NBEA: variants seen among roughly 807,000 people sequenced by gnomAD.
The protein encoded by NBEA is neurobeachin, also known as lysosomal-trafficking regulator 2.
A neutral mutation model predicts 343.4 loss-of-function variants in NBEA; 44 were observed. The ratio of observed to expected loss-of-function variants is 0.13; its 90% CI spans 0.10 to 0.16. NBEA has a LOEUF of 0.16. NBEA is among the 10% of genes least tolerant of loss of function. The pLI, the probability that NBEA is intolerant of heterozygous loss-of-function variation, is 1.00. For synonymous variants in NBEA, 1,175 were observed against 1,238.7 expected (o/e 0.95, Z 1.08); for missense variants, 2,555 against 3,631.3 (o/e 0.70, Z 7.62).
intron 34 of NBEA, among the ~76,000 whole-genome samples, chr13:35,268,664 A>G (rs905146884): frequency 1.3e-5 from 2 of 152,064 alleles, no homozygotes; most frequent in Admixed American, 1.3e-4. Context: ...TTTATCTGTA[A>G]TCTTGCCTCT....
At chr13:35,339,450 C>T (rs2039456109) in intron 36 of NBEA, among the ~76,000 whole-genome samples, 1 of 152,012 alleles carries the variant, frequency 6.6e-6, no homozygotes, top group East Asian at 1.9e-4. Flanking sequence ...TTAAGTAATG[C>T]TCAACATCAG....
intron 8 of NBEA, among the ~76,000 whole-genome samples, chr13:35,066,008 C>G (rs1373212484): frequency 1.3e-5 from 2 of 152,052 alleles, no homozygotes; most frequent in Non-Finnish European, 2.9e-5. Context: ...GTCACCTAAG[C>G]TGGAGTGCAG....
chr13:35,258,317 G>A (rs910279030), intron 34 of NBEA, among the ~76,000 whole-genome samples: 4 of 151,894 alleles, frequency 2.6e-5, no homozygotes, highest in East Asian at 1.9e-4. Context: ...ACAGGCATGC[G>A]CCACCACACT....
intron 8 of NBEA, among the ~76,000 whole-genome samples, chr13:35,062,494 C>T (rs1008261910): frequency 1.3e-4 from 19 of 151,622 alleles, no homozygotes; most frequent in South Asian, 4.1e-4. Context: ...GAAGAAACTC[C>T]GAAAACTCCA....
At chr13:35,310,638 C>G (rs953807679) in intron 36 of NBEA, among the ~76,000 whole-genome samples, 2 of 152,156 alleles carry the variant, frequency 1.3e-5, no homozygotes, top group African/African-American at 2.4e-5. Flanking sequence ...ACAGACGTAG[C>G]TGTCACCATG....
intron 38 of NBEA, among the ~76,000 whole-genome samples, chr13:35,394,191 C>CA (rs1367021751): frequency 6.6e-6 from 1 of 152,116 alleles, no homozygotes; most frequent in Non-Finnish European, 1.5e-5. Context: ...CTATCTGCAC[C>CA]ACGCACTTCA....
chr13:35,399,829 A>T (rs2042913592), intron 38 of NBEA, among the ~76,000 whole-genome samples: 2 of 152,050 alleles, frequency 1.3e-5, no homozygotes, highest in South Asian at 4.2e-4. Flanking sequence ...TTTCTCCTGA[A>T]CAGTTAGAGG....
intron 10 of NBEA, among the ~76,000 whole-genome samples, chr13:35,089,881 A>G (rs1315792760): frequency 2.2e-3 from 285 of 130,856 alleles, no homozygotes; most frequent in Non-Finnish European, 3.2e-3. Flanking sequence ...GGACACAGGA[A>G]GGGGAATATC....
intron 1 of NBEA, among the ~76,000 whole-genome samples, chr13:35,010,836 G>A (rs1397209114): frequency 1.4e-5 from 2 of 147,944 alleles, no homozygotes; most frequent in Non-Finnish European, 3.0e-5. Flanking sequence ...GCTGAGTTAG[G>A]AAGATGACTG....
At chr13:35,310,910 A>G (rs971116389) in intron 36 of NBEA, among the ~76,000 whole-genome samples, 5 of 152,178 alleles carry the variant, frequency 3.3e-5, no homozygotes, top group African/African-American at 9.6e-5. Flanking sequence ...TAAAAATTAA[A>G]TATCACTTAG....
chr13:35,041,467 AT>A (rs1566198499), intron 2 of NBEA, among the ~76,000 whole-genome samples: 17 of 152,104 alleles, frequency 1.1e-4, no homozygotes, highest in Non-Finnish European at 1.9e-4. Flanking sequence ...GTAGTATTTC[AT>A]TAAGCTTTTA....
Position 35,010,726 on chromosome 13 carries a change from C to CAAAAAAAAA in NBEA, c.295-30199_295-30191dup, listed in dbSNP as rs769896169. The stretch of plus-strand genomic sequence containing the variant: ...ACAACATAGCAAGACTGGGTCTCTA[C>CAAAAAAAAA]AAAAAAAAAAAAAAAATATATATAT... On this transcript the variant is annotated intron_variant, in intron 1 of 58. Transcript: ENST00000379939. Among the ~76,000 whole-genome samples the CAAAAAAAAA allele has an allele frequency of 4.1e-4, 4 of 9,698 alleles. 1 individual carries two copies. The highest frequency in any genetic ancestry group is 1.2e-3 in the African/African-American group (4 of 3,210). The allele number at this position is 9,698 out of a possible 152,430, so 6.4% of individuals were successfully genotyped here.
In NBEA at chr13:35,349,144, T is replaced by G. The variant is rs111297138; in HGVS notation, c.5940T>G (p.Arg1980=). Residue 1980 remains arginine (R), a synonymous_variant, in exon 37 of 59, where the codon CGT becomes CGG. Coordinates refer to ENST00000379939, the MANE Select transcript of NBEA (RefSeq NM_001385012.1). The stretch of plus-strand genomic sequence containing the variant: ...ATGCTATGAAGGACCATATAGTCCG[T>G]GTTGCAAATGAAGCTGAGTTTATTT... The part of the protein sequence containing the change: ...LCHAMKDHIV[R]VANEAEFILN... The G allele has an allele frequency of 1.9e-6, 3 of 1,608,370 alleles. No homozygotes were observed. In the South Asian group the frequency reaches 3.3e-5, roughly 18 times the overall value.
intron 35 of NBEA, among the ~76,000 whole-genome samples, chr13:35,303,702 A>G (rs957414887): frequency 1.3e-5 from 2 of 152,146 alleles, no homozygotes; most frequent in African/African-American, 4.8e-5. Flanking sequence ...GTCACCTTTC[A>G]TCTCTTGTAA....
chr13:35,259,997 A>G (rs902358432), intron 34 of NBEA, among the ~76,000 whole-genome samples: 1 of 152,220 alleles, frequency 6.6e-6, no homozygotes, highest in Admixed American at 6.5e-5. Flanking sequence ...TGATGGCTAC[A>G]TTGCCTTCAC....
At chr13:35,536,664 A>G (rs2078565086) in intron 41 of NBEA, among the ~76,000 whole-genome samples, 1 of 152,144 alleles carries the variant, frequency 6.6e-6, no homozygotes, top group Admixed American at 6.5e-5. Context: ...AGATAGATAG[A>G]TAGATAGACA....
chr13:35,040,816 T>A (rs2062623172), intron 1 of NBEA, 117 bp from the exon 2 acceptor site: 2 of 808,052 alleles, frequency 2.5e-6, no homozygotes, highest in African/African-American at 1.7e-5. Context: ...ATTAATTTTA[T>A]ACCAGAATCC....
chr13:35,450,763 G>T (rs1021485472), intron 39 of NBEA, among the ~76,000 whole-genome samples: 5 of 152,142 alleles, frequency 3.3e-5, no homozygotes, highest in African/African-American at 1.2e-4. Context: ...AGTTAATGCT[G>T]CTCCTTGAAG....
intron 1 of NBEA, among the ~76,000 whole-genome samples, chr13:35,004,863 C>T (rs960623069): frequency 6.6e-6 from 1 of 151,994 alleles, no homozygotes; most frequent in African/African-American, 2.4e-5. Flanking sequence ...TGTGAATTTC[C>T]AAAGTAGACA....
Sources: gnomAD v4.1 joint callset for allele counts (sites outside exome capture counted in the v4.1 genomes callset) on GRCh38, gnomAD v4.1.1 for gene constraint, MANE v1.5 for transcripts, NCBI Gene and HGNC (gene_info 2026-07-23, HGNC 2026-07-21) for gene names.